Variants in KAZN observed in about 807,000 individuals in gnomAD.
KAZN encodes the protein kazrin.
In KAZN, 40 loss-of-function variants were observed where a neutral mutation model predicts 87.4. The observed-to-expected ratio is 0.46, with a 90% CI of 0.36 to 0.60. The LOEUF (loss-of-function observed/expected upper bound fraction) is 0.60, where lower values mean the gene tolerates loss of function less well. KAZN is among the 20% of genes least tolerant of loss of function. The pLI, the probability that KAZN is intolerant of heterozygous loss-of-function variation, is 0.00. For synonymous variants in KAZN, 466 were observed against 458.3 expected (o/e 1.02, Z -0.22); for missense variants, 898 against 1,073.9 (o/e 0.84, Z 2.29).
intron 1 of KAZN, among the ~76,000 whole-genome samples, chr1:14,791,476 C>A (rs118098461): frequency 1.1e-4 from 16 of 152,342 alleles, no homozygotes; most frequent in African/African-American, 2.9e-4. Context: ...GCCAAGGAAG[C>A]AACACGCTGC....
intron 1 of KAZN, among the ~76,000 whole-genome samples, chr1:14,169,035 G>A (rs1194822246): frequency 1.3e-5 from 2 of 152,174 alleles, no homozygotes; most frequent in African/African-American, 2.4e-5. Flanking sequence ...TGGAAGTCTT[G>A]AGAAATAAAA....
At chr1:14,362,067 C>G (rs1659562720) in intron 2 of KAZN, among the ~76,000 whole-genome samples, 2 of 152,112 alleles carry the variant, frequency 1.3e-5, no homozygotes, top group Non-Finnish European at 2.9e-5. Context: ...TTAGCTATTG[C>G]TGCATGACAA....
At chr1:14,326,810 T>A (rs1656467572) in intron 2 of KAZN, among the ~76,000 whole-genome samples, 1 of 152,090 alleles carries the variant, frequency 6.6e-6, no homozygotes, top group African/African-American at 2.4e-5. Flanking sequence ...CTTTTAGGAG[T>A]CTGTTCATCC....
At chr1:14,869,281 C>G (rs1440126081) in intron 1 of KAZN, among the ~76,000 whole-genome samples, 1 of 151,994 alleles carries the variant, frequency 6.6e-6, no homozygotes, top group East Asian at 1.9e-4. Flanking sequence ...TTTCTCACTT[C>G]TCAGGGTGAG....
Position 15,056,309 on chromosome 1 carries a change from A to C in KAZN, c.916+29A>C, listed in dbSNP as rs755589297. On this transcript the variant is annotated intron_variant, in intron 5 of 14. Transcript: ENST00000376030. This position sits in a 1 kb window ranked among gnomAD's most constrained non-coding sequence, Gnocchi z 5.4. ...AGTCCTGCCCTGGCCTGGCTCCACC[A>C]CGGCTTCGAGGGGCTTCACAGGAGG... 3 of 1,570,934 alleles carry C rather than the reference A, an allele frequency of 1.9e-6. No homozygotes were observed.
chr1:14,821,608 C>T (rs181663917), intron 1 of KAZN, among the ~76,000 whole-genome samples: 68 of 151,910 alleles, frequency 4.5e-4, no homozygotes, highest in Non-Finnish European at 8.2e-4. Flanking sequence ...GGAGGGGATT[C>T]GGACACAGAT....
Position 15,109,466 on chromosome 1 carries a change from A to G in KAZN, c.2049-2961A>G, listed in dbSNP as rs943449713. ...GTTTTACTCGCACCAGAACATATGG[A>G]GGGAATAGCTGAGCAGGAACTCCAA... On this transcript the variant is annotated intron_variant, in intron 13 of 14. Transcript: ENST00000376030. Among the ~76,000 whole-genome samples the G allele has an allele frequency of 3.3e-5, 5 of 152,180 alleles. No homozygotes were observed. In the East Asian group the frequency reaches 9.6e-4, roughly 29 times the overall value.
At chr1:14,724,149 G>GC (rs2100308988) in intron 1 of KAZN, among the ~76,000 whole-genome samples, 1 of 152,266 alleles carries the variant, frequency 6.6e-6, no homozygotes, top group African/African-American at 2.4e-5. Context: ...CGGGTGGCGA[G>GC]CAGGTGCACA....
At chr1:14,320,459 AACTG>A (rs1186954328) in intron 2 of KAZN, among the ~76,000 whole-genome samples, 1 of 152,094 alleles carries the variant, frequency 6.6e-6, no homozygotes, top group Non-Finnish European at 1.5e-5. Context: ...GCTTATCTCT[AACTG>A]CTTCCAAATG....
chr1:14,822,310 A>C (rs1572572991), intron 1 of KAZN, among the ~76,000 whole-genome samples: 2 of 152,184 alleles, frequency 1.3e-5, no homozygotes, highest in Admixed American at 6.5e-5. Context: ...TCATGTGTGC[A>C]TGGAAGCACT....
chr1:15,018,376 C>T (rs1156409440), intron 2 of KAZN, among the ~76,000 whole-genome samples: 2 of 152,058 alleles, frequency 1.3e-5, no homozygotes, highest in African/African-American at 4.8e-5. Context: ...AACGGGATGG[C>T]ATCAGGTAGC....
intron 1 of KAZN, among the ~76,000 whole-genome samples, chr1:14,023,998 A>G (rs1640961850): frequency 6.6e-6 from 1 of 152,222 alleles, no homozygotes; most frequent in Non-Finnish European, 1.5e-5. Flanking sequence ...CTTCTTACAC[A>G]GTAAAACCTT....
At chr1:14,551,662 T>C (rs188048818) in intron 2 of KAZN, among the ~76,000 whole-genome samples, 1 of 152,264 alleles carries the variant, frequency 6.6e-6, no homozygotes, top group African/African-American at 2.4e-5. Flanking sequence ...ATTGGTGAGT[T>C]AGTGGGTGGA....
At chr1:15,074,256 C>A (rs910856196) in intron 8 of KAZN, among the ~76,000 whole-genome samples, 1 of 152,264 alleles carries the variant, frequency 6.6e-6, no homozygotes, top group African/African-American at 2.4e-5. Context: ...CTGCCATCCG[C>A]CTCCCTGCCC....
At chr1:15,110,213 TTGTG>T (rs571695171) in intron 13 of KAZN, among the ~76,000 whole-genome samples, 2,382 of 144,880 alleles carry the variant, frequency 0.016, 59 homozygotes, top group African/African-American at 0.051. Context: ...TAGGTGGTGT[TTGTG>T]TGTGTTTGTG....
In KAZN at chr1:14,575,856, G is replaced by C. The variant is rs181592708; in HGVS notation, c.250-23127G>C. On this transcript the variant is annotated intron_variant, in intron 2 of 16. Transcript: ENST00000636203. ...CTAGCCTGAAAGCTTCTGGGATGAG[G>C]GGGACAGTGTCTATACCTTTATTGT... Among the ~76,000 whole-genome samples the C allele has an allele frequency of 4.6e-5, 7 of 152,294 alleles. No individual in the cohort carries two copies. The East Asian group carries it at 1.2e-3, about 25-fold the overall frequency.
In KAZN at chr1:14,188,194, C is replaced by CGTGTGTGTGTGTGT. The variant is rs3033865; in HGVS notation, c.249+7632_249+7645dup. On this transcript the variant is annotated intron_variant, in intron 2 of 16. Coordinates refer to the KAZN transcript ENST00000636203. ...GGGGATGGAGAGAGAGAGAGAGGAG[C>CGTGTGTGTGTGTGT]GTGTGTGTGTGTGTGTGTGTGTGTG... Among the ~76,000 whole-genome samples, 270 of 140,144 alleles carry CGTGTGTGTGTGTGT rather than the reference C, an allele frequency of 1.9e-3. 3 individuals are homozygous for CGTGTGTGTGTGTGT. The highest frequency in any genetic ancestry group is 3.9e-3 in the South Asian group (16 of 4,152). 91.9% of individuals were successfully genotyped at this position (140,144 alleles called of 152,430 possible). A position where few individuals can be genotyped will look rare whatever the true frequency, so the allele number is the denominator to read the frequency against.
At chr1:14,504,320 A>G (rs997806255) in intron 2 of KAZN, among the ~76,000 whole-genome samples, 1 of 152,184 alleles carries the variant, frequency 6.6e-6, no homozygotes, top group Admixed American at 6.5e-5. Flanking sequence ...GAGAAATTCG[A>G]AGAAAGCCGA....
At chr1:14,666,595 C>T (rs190851680) in intron 1 of KAZN, among the ~76,000 whole-genome samples, 3 of 152,280 alleles carry the variant, frequency 2.0e-5, no homozygotes, top group Admixed American at 1.3e-4. Flanking sequence ...CAAGGATACA[C>T]GCCCTCTGAA....
Sources: allele counts gnomAD v4.1 joint callset (sites outside exome capture counted in the v4.1 genomes callset), GRCh38; gene constraint gnomAD v4.1.1; non-coding constraint Gnocchi (gnomAD v3.1); transcripts MANE v1.5; gene names NCBI Gene and HGNC (gene_info 2026-07-23, HGNC 2026-07-21).